Variants in NRXN3 observed in about 807,000 individuals in gnomAD.
NRXN3 encodes the protein neurexin 3.
In NRXN3, 32 loss-of-function variants were observed where a neutral mutation model predicts 137.6. The observed-to-expected ratio is 0.23, with a 90% CI of 0.18 to 0.31. NRXN3 has a LOEUF of 0.31. Ranked by LOEUF, NRXN3 falls within the 10% of genes least tolerant of loss-of-function variation. NRXN3 has a pLI of 1.00. For synonymous variants in NRXN3, 798 were observed against 784.5 expected, an observed-to-expected ratio of 1.02 and a Z score of -0.29; for missense variants, 1,574 against 2,062.5, an observed-to-expected ratio of 0.76 and a Z score of 4.59.
chr14:78,195,472 A>G (rs1370522668), intron 1 of NRXN3, among the ~76,000 whole-genome samples: 1 of 152,200 alleles, frequency 6.6e-6, no homozygotes, highest in African/African-American at 2.4e-5. Context: ...TAGACAATAA[A>G]CACATAACAA....
At chr14:78,733,243 C>T (rs1050233805) in intron 8 of NRXN3, among the ~76,000 whole-genome samples, 3 of 152,070 alleles carry the variant, frequency 2.0e-5, no homozygotes, top group East Asian at 1.9e-4. Flanking sequence ...GGATATAGAA[C>T]GTGCTCAACA....
intron 6 of NRXN3, among the ~76,000 whole-genome samples, chr14:78,671,205 A>G (rs1235978595): frequency 6.6e-6 from 1 of 152,214 alleles, no homozygotes; most frequent in Non-Finnish European, 1.5e-5. Flanking sequence ...GGTCAGTGCC[A>G]AAGAGAGGAC....
At chr14:79,630,477 C>T (rs537780657) in intron 16 of NRXN3, among the ~76,000 whole-genome samples, 3 of 152,286 alleles carry the variant, frequency 2.0e-5, no homozygotes, top group Admixed American at 2.0e-4. Context: ...TCACTTTGGT[C>T]CTGGTTCAAG....
chr14:78,825,253 A>G (rs547156190), intron 10 of NRXN3, among the ~76,000 whole-genome samples: 3 of 151,610 alleles, frequency 2.0e-5, no homozygotes, highest in Admixed American at 6.6e-5. Flanking sequence ...CCATTCCTGT[A>G]TTCTTTTTAT....
chr14:78,238,133 G>C (rs1354496401), intron 1 of NRXN3, among the ~76,000 whole-genome samples: 1 of 107,084 alleles, frequency 9.3e-6, no homozygotes, highest in Admixed American at 9.5e-5. Context: ...TGTCAGAGTT[G>C]TGTGAGCCCC....
At chr14:78,760,034 CTTTTTTT>C (rs61320632) in intron 8 of NRXN3, among the ~76,000 whole-genome samples, 2 of 86,716 alleles carry the variant, frequency 2.3e-5, no homozygotes, top group African/African-American at 5.0e-5. Context: ...AGCCTGCAGT[CTTTTTTT>C]TTTTTTTTTT....
chr14:78,528,611 A>G (rs554185260), intron 4 of NRXN3, among the ~76,000 whole-genome samples: 1 of 152,234 alleles, frequency 6.6e-6, no homozygotes, highest in South Asian at 2.1e-4. Context: ...ATTTTGATAG[A>G]TTCAGGATAA....
intron 4 of NRXN3, among the ~76,000 whole-genome samples, chr14:78,615,928 C>T (rs959131749): frequency 2.0e-5 from 3 of 152,150 alleles, no homozygotes; most frequent in Non-Finnish European, 4.4e-5. Flanking sequence ...TCACTATACT[C>T]CAGCCTGGGT....
intron 4 of NRXN3, among the ~76,000 whole-genome samples, chr14:78,452,024 G>T (rs557437941): frequency 2.6e-5 from 4 of 152,252 alleles, no homozygotes; most frequent in Non-Finnish European, 5.9e-5. Flanking sequence ...GCATCTAGCC[G>T]CCCACCTACC....
chr14:78,911,449 T>C (rs1484399617), intron 10 of NRXN3, among the ~76,000 whole-genome samples: 1 of 152,228 alleles, frequency 6.6e-6, no homozygotes, highest in Non-Finnish European at 1.5e-5. Context: ...CAGTACTTTT[T>C]ATTCTGGTTA....
At chr14:79,124,219 T>A (rs894404850) in intron 15 of NRXN3, among the ~76,000 whole-genome samples, 1 of 152,076 alleles carries the variant, frequency 6.6e-6, no homozygotes, top group Non-Finnish European at 1.5e-5. Flanking sequence ...CTAAATGAAA[T>A]GAGGTAAATG....
In NRXN3 at chr14:78,201,121, T is replaced by G. The variant is rs569401041; in HGVS notation, c.-704+30447T>G. Among the ~76,000 whole-genome samples the G allele has an allele frequency of 4.6e-5, 7 of 152,266 alleles. No individual in the cohort carries two copies. The East Asian group carries it at 1.4e-3, about 29-fold the overall frequency. ...GTTGACACTGCCATATTTTCAACAT[T>G]AATATTGGAAGTGACAGCCTGCTGA... On this transcript the variant is annotated intron_variant, in intron 1 of 20. Coordinates refer to ENST00000335750, the MANE Select transcript of NRXN3 (RefSeq NM_001330195.2).
chr14:78,704,086 G>A lies in NRXN3; in HGVS notation c.1222-5131G>A, dbSNP rs75693478. On this transcript the variant is annotated intron_variant, in intron 6 of 20. Coordinates refer to ENST00000335750, the MANE Select transcript of NRXN3 (RefSeq NM_001330195.2). ...GAGTGGCCTGGGATAAGATGGCAGA[G>A]GGAGAGAAGAAAATACTTCTCTGAG... Among the ~76,000 whole-genome samples the A allele has an allele frequency of 4.1e-3, 625 of 152,302 alleles. 4 individuals carry two copies. The highest frequency in any genetic ancestry group is 7.0e-3 in the Non-Finnish European group (476 of 68,024).
chr14:78,364,115 G>A (rs1160440967), intron 4 of NRXN3, among the ~76,000 whole-genome samples: 1 of 152,238 alleles, frequency 6.6e-6, no homozygotes. Context: ...GCATGTGTAT[G>A]TACTTGAGTG....
At chr14:79,144,214 T>G (rs963130877) in intron 15 of NRXN3, among the ~76,000 whole-genome samples, 5 of 152,282 alleles carry the variant, frequency 3.3e-5, no homozygotes, top group African/African-American at 1.2e-4. Flanking sequence ...GGCAAGTCTT[T>G]TCTACTTCAA....
chr14:78,227,910 A>G (rs1352264140), intron 1 of NRXN3, among the ~76,000 whole-genome samples: 1 of 152,160 alleles, frequency 6.6e-6, no homozygotes, highest in Non-Finnish European at 1.5e-5. Context: ...CTCATGGCAA[A>G]GGAGCAAGAG....
chr14:79,448,291 G>T (rs2096100439), intron 15 of NRXN3, among the ~76,000 whole-genome samples: 1 of 152,128 alleles, frequency 6.6e-6, no homozygotes, highest in South Asian at 2.1e-4. Flanking sequence ...CCTCAGAGGG[G>T]CCTGCCCTTC....
chr14:79,377,664 G>A (rs1305131113), intron 15 of NRXN3, among the ~76,000 whole-genome samples: 1 of 152,176 alleles, frequency 6.6e-6, no homozygotes, highest in Non-Finnish European at 1.5e-5. Context: ...GCTGAGGCAG[G>A]AGAATCACTT....
intron 1 of NRXN3, among the ~76,000 whole-genome samples, chr14:78,234,445 G>A (rs1036678957): frequency 6.6e-6 from 1 of 152,192 alleles, no homozygotes; most frequent in East Asian, 1.9e-4. Context: ...AGAAGACAAC[G>A]GAGGCATGGA....
Sources: allele counts gnomAD v4.1 joint callset (sites outside exome capture counted in the v4.1 genomes callset), GRCh38; gene constraint gnomAD v4.1.1; transcripts MANE v1.5; gene names NCBI Gene and HGNC (gene_info 2026-07-23, HGNC 2026-07-21).